CAMK1D: variants seen among roughly 807,000 people sequenced by gnomAD.
CAMK1D encodes calcium/calmodulin-dependent protein kinase type 1D.
Under a neutral mutation model 47.7 loss-of-function variants are expected in CAMK1D, and 9 were observed. The observed-to-expected ratio is 0.19, with a 90% CI of 0.11 to 0.33. CAMK1D has a LOEUF of 0.33. CAMK1D is among the 10% of genes least tolerant of loss of function. The pLI is 1.00. For synonymous variants in CAMK1D, 184 were observed against 184.9 expected (o/e 0.99, Z 0.04); for missense variants, 291 against 488.7 (o/e 0.60, Z 3.81).
At chr10:12,596,728 A>ATT (rs1009592085) in intron 2 of CAMK1D, among the ~76,000 whole-genome samples, 26 of 152,180 alleles carry the variant, frequency 1.7e-4, no homozygotes, top group Middle Eastern at 3.4e-3. Context: ...GGGGTCTAGA[A>ATT]TTTAAACTGG....
chr10:12,809,068 G>A (rs1832492347), intron 6 of CAMK1D, among the ~76,000 whole-genome samples: 1 of 151,390 alleles, frequency 6.6e-6, no homozygotes, highest in Admixed American at 6.6e-5. Flanking sequence ...AGTGAGCCAA[G>A]ACTGAGCCAC....
At chr10:12,626,074 CT>C (rs1315361554) in intron 2 of CAMK1D, among the ~76,000 whole-genome samples, 1 of 152,142 alleles carries the variant, frequency 6.6e-6, no homozygotes, top group Non-Finnish European at 1.5e-5. Flanking sequence ...TTCCTTTTCT[CT>C]GAGGTGTCTG....
At chr10:12,523,442 C>T (rs999446123) in intron 1 of CAMK1D, among the ~76,000 whole-genome samples, 25 of 152,216 alleles carry the variant, frequency 1.6e-4, no homozygotes, top group Non-Finnish European at 1.9e-4. Context: ...CACTGCACTC[C>T]AGCCTGGGCA....
intron 3 of CAMK1D, among the ~76,000 whole-genome samples, chr10:12,696,405 C>T (rs1833298723): frequency 6.6e-6 from 1 of 152,034 alleles, no homozygotes; most frequent in Non-Finnish European, 1.5e-5. Flanking sequence ...GGCATGGTGG[C>T]GTGCACCTGT....
At chr10:12,820,169 A>G (rs1832965249) in intron 8 of CAMK1D, among the ~76,000 whole-genome samples, 2 of 152,168 alleles carry the variant, frequency 1.3e-5, no homozygotes, top group Admixed American at 1.3e-4. Flanking sequence ...CCTCCCAAGT[A>G]GCTGGGATTG....
rs556121239 is a variant in CAMK1D at position 12,645,789 on chromosome 10, C to T, written c.225-20947C>T. 7.9e-5 allele frequency among the ~76,000 whole-genome samples: 12 copies of T among 152,292 alleles called. No homozygotes were observed. In the South Asian group the frequency reaches 1.7e-3, roughly 21 times the overall value. ...ATGGGCGCCGCCATCATGTCTGCCA[C>T]GCCATCTGAGTATTTAAAAAATAGC... is the stretch of plus-strand genomic sequence containing the variant. On this transcript the variant is annotated intron_variant, in intron 2 of 10. Coordinates refer to ENST00000619168, the MANE Select transcript of CAMK1D (RefSeq NM_153498.4).
chr10:12,602,815 G>A lies in CAMK1D; in HGVS notation c.224+49459G>A, dbSNP rs185903133. The stretch of plus-strand genomic sequence containing the variant: ...TCTGTCTGTGTGGGAAGGGGAAGTT[G>A]AGGACGTCTGAGCAAAGACCGGTGG... On this transcript the variant is annotated intron_variant, in intron 2 of 10. Coordinates refer to ENST00000619168, the MANE Select transcript of CAMK1D (RefSeq NM_153498.4). Among the ~76,000 whole-genome samples the A allele has an allele frequency of 1.0e-3, 153 of 152,112 alleles. 1 individual carries two copies. The East Asian group carries it at 0.024, about 24-fold the overall frequency.
chr10:12,817,206 A>G (rs1249605158), intron 8 of CAMK1D, among the ~76,000 whole-genome samples: 1 of 152,220 alleles, frequency 6.6e-6, no homozygotes, highest in Non-Finnish European at 1.5e-5. Flanking sequence ...TTGGGTGGGG[A>G]CAGAGCCAAA....
chr10:12,364,240 T>C (rs1027786689), intron 1 of CAMK1D, among the ~76,000 whole-genome samples: 15 of 135,304 alleles, frequency 1.1e-4, no homozygotes, highest in African/African-American at 2.1e-4. Flanking sequence ...GCATTCTCTT[T>C]TTTTTTTTTT....
At chr10:12,411,755 C>T (rs776374693) in intron 1 of CAMK1D, among the ~76,000 whole-genome samples, 2 of 152,014 alleles carry the variant, frequency 1.3e-5, no homozygotes, top group African/African-American at 4.8e-5. Context: ...CCCACCACCA[C>T]GCCTGGCTAT....
At chr10:12,586,064 A>C (rs1007856890) in intron 2 of CAMK1D, among the ~76,000 whole-genome samples, 2 of 152,170 alleles carry the variant, frequency 1.3e-5, no homozygotes, top group Admixed American at 6.5e-5. Flanking sequence ...GGTTGCTTGG[A>C]TGGAGCCCTT....
intron 1 of CAMK1D, among the ~76,000 whole-genome samples, chr10:12,391,752 A>G (rs1298095807): frequency 2.0e-5 from 3 of 152,196 alleles, no homozygotes; most frequent in Non-Finnish European, 4.4e-5. Flanking sequence ...AGTGCACTGT[A>G]ATGGCAAGCA....
chr10:12,815,230 G>T (rs72638762), intron 7 of CAMK1D, among the ~76,000 whole-genome samples: 5,886 of 152,170 alleles, frequency 0.039, 442 homozygotes, highest in East Asian at 0.34. Context: ...CAAAACCAAG[G>T]CCTGTGTAAA....
At chr10:12,770,618 A>G (rs2130933535) in intron 5 of CAMK1D, among the ~76,000 whole-genome samples, 1 of 152,340 alleles carries the variant, frequency 6.6e-6, no homozygotes, top group South Asian at 2.1e-4. Context: ...TGGAACAAGT[A>G]AGCAAACAGG....
rs779234953 is a variant in CAMK1D, at chr10:12,365,563, C to T, written c.92+15653C>T. On this transcript the variant is annotated intron_variant, in intron 1 of 10. Coordinates refer to ENST00000619168, the MANE Select transcript of CAMK1D (RefSeq NM_153498.4). ...ACGCCATTCTCCTGCCTCAGCCTCC[C>T]GAGTAGCTGGGACTACAGGCGCTTG... is the stretch of plus-strand genomic sequence containing the variant. Among the ~76,000 whole-genome samples the T allele has an allele frequency of 2.6e-5, 4 of 151,982 alleles. No individual in the cohort carries two copies. The East Asian group carries it at 5.9e-4, about 22-fold the overall frequency.
At chr10:12,418,139 A>T (rs1839918626) in intron 1 of CAMK1D, among the ~76,000 whole-genome samples, 1 of 152,210 alleles carries the variant, frequency 6.6e-6, no homozygotes. Context: ...CTGCCAGATG[A>T]TGCAGTAAGC....
chr10:12,471,092 G>C (rs2132075223), intron 1 of CAMK1D, among the ~76,000 whole-genome samples: 1 of 151,638 alleles, frequency 6.6e-6, no homozygotes, highest in South Asian at 2.1e-4. Flanking sequence ...CTTTTTTCTA[G>C]TTCTACTTTC....
intron 1 of CAMK1D, among the ~76,000 whole-genome samples, chr10:12,444,856 T>C (rs1832883480): frequency 6.6e-6 from 1 of 152,166 alleles, no homozygotes; most frequent in African/African-American, 2.4e-5. Flanking sequence ...GGTAACAGGC[T>C]TCAGAGAGAT....
chr10:12,570,418 C>T (rs1837287705), intron 2 of CAMK1D, among the ~76,000 whole-genome samples: 1 of 151,984 alleles, frequency 6.6e-6, no homozygotes, highest in African/African-American at 2.4e-5. Flanking sequence ...GTGGCTCACA[C>T]CTGTAATCCC....
Sources: allele counts gnomAD v4.1 joint callset (sites outside exome capture counted in the v4.1 genomes callset), GRCh38; gene constraint gnomAD v4.1.1; transcripts MANE v1.5; gene names NCBI Gene and HGNC (gene_info 2026-07-23, HGNC 2026-07-21).